ERCC6L2: variants seen among roughly 807,000 people sequenced by gnomAD.
ERCC6L2 encodes the protein ERCC excision repair 6 like 2, also known as DNA excision repair protein ERCC-6-like 2.
In ERCC6L2, 77 loss-of-function variants were observed where a neutral mutation model predicts 132.0. That is an observed-to-expected ratio of 0.58 (90% CI 0.49 to 0.71). ERCC6L2 has a LOEUF of 0.71. Ranked by LOEUF, ERCC6L2 falls within the 30% of genes least tolerant of loss-of-function variation. ERCC6L2 has a pLI of 0.00. For missense variants in ERCC6L2, 1,542 were observed against 1,837.6 expected (o/e 0.84, Z 2.94); for synonymous variants, 583 against 632.4 (o/e 0.92, Z 1.17).
At chr9:96,019,516 G>A (rs982509993), downstream of ERCC6L2, among the ~76,000 whole-genome samples, 2 of 151,970 alleles carry the variant, frequency 1.3e-5, no homozygotes, top group Admixed American at 6.6e-5. Flanking sequence ...CTCCTGAATC[G>A]ACAGCTCCCT....
At chr9:95,973,640 C>T (rs1004776345) in intron 16 of ERCC6L2, among the ~76,000 whole-genome samples, 3 of 152,024 alleles carry the variant, frequency 2.0e-5, no homozygotes, top group African/African-American at 7.2e-5. Flanking sequence ...TATTCGCTAT[C>T]ATGAGAACAG....
intron 19 of ERCC6L2, among the ~76,000 whole-genome samples, chr9:96,030,296 C>T (rs770915676): frequency 1.3e-5 from 2 of 152,018 alleles, no homozygotes; most frequent in African/African-American, 4.8e-5. Flanking sequence ...CTGGCCACCC[C>T]ACCCACCCAG....
chr9:96,003,975 A>G (rs1833776574), intron 17 of ERCC6L2, among the ~76,000 whole-genome samples: 1 of 152,208 alleles, frequency 6.6e-6, no homozygotes, highest in African/African-American at 2.4e-5. Context: ...AAGGAGTATG[A>G]TTCCATCTAT....
intron 3 of ERCC6L2, among the ~76,000 whole-genome samples, chr9:95,902,502 A>G (rs927110626): frequency 2.0e-5 from 3 of 152,150 alleles, no homozygotes; most frequent in Non-Finnish European, 2.9e-5. Context: ...ATATGTACCA[A>G]GAGGATTATG....
chr9:95,885,907 G>C (rs1230051599), intron 2 of ERCC6L2, among the ~76,000 whole-genome samples: 1 of 152,192 alleles, frequency 6.6e-6, no homozygotes, highest in Non-Finnish European at 1.5e-5. Flanking sequence ...CAGAGCCTTT[G>C]CTCAGACGGT....
chr9:95,883,944 G>A (rs547721919), intron 2 of ERCC6L2, among the ~76,000 whole-genome samples: 112 of 152,280 alleles, frequency 7.4e-4, no homozygotes, highest in Non-Finnish European at 1.2e-3. Flanking sequence ...AATACAATTC[G>A]AATTCAAATT....
At chr9:95,977,918 T>C (rs761658929) in intron 16 of ERCC6L2, 143 bp from the exon 17 acceptor site, 3 of 464,492 alleles carry the variant, frequency 6.5e-6, no homozygotes, top group Non-Finnish European at 9.6e-6. Context: ...ATATTTGAAC[T>C]CTTTCTCTTT....
At chr9:95,949,977 T>G (rs1831253533) in intron 12 of ERCC6L2, among the ~76,000 whole-genome samples, 1 of 144,242 alleles carries the variant, frequency 6.9e-6, no homozygotes, top group Non-Finnish European at 1.5e-5. Context: ...ATTGTGCCAC[T>G]ACACTCCAGC....
chr9:95,881,629 C>T (rs1357644790), intron 2 of ERCC6L2, among the ~76,000 whole-genome samples: 1 of 152,216 alleles, frequency 6.6e-6, no homozygotes, highest in Non-Finnish European at 1.5e-5. Flanking sequence ...AGCATTCTAA[C>T]ATTTGTTATG....
rs900739709 is a variant in ERCC6L2, at chr9:95,945,917, G to C, written c.1847+4368G>C. On this transcript the variant is annotated intron_variant, in intron 12 of 18. Transcript: ENST00000653738. The stretch of plus-strand genomic sequence containing the variant: ...TTTTTAGAAAGAAGGAGAAAAGTGG[G>C]GCTGGCAGAAAGGAAAAATTAGACT... Among the ~76,000 whole-genome samples the C allele has an allele frequency of 2.0e-5, 3 of 152,022 alleles. No individual in the cohort carries two copies. The South Asian group carries it at 6.2e-4, about 32-fold the overall frequency.
chr9:96,027,729 C>A (rs1834400617), intron 19 of ERCC6L2: 1 of 152,562 alleles, frequency 6.6e-6, no homozygotes, highest in African/African-American at 2.4e-5. Flanking sequence ...CCTCCAAGGC[C>A]CCCGGCCGCT....
At chr9:95,973,559 G>A (rs1268090787) in intron 16 of ERCC6L2, among the ~76,000 whole-genome samples, 2 of 152,012 alleles carry the variant, frequency 1.3e-5, no homozygotes, top group Non-Finnish European at 2.9e-5. Flanking sequence ...TTACATGGAT[G>A]GTGGCAGGAA....
intron 12 of ERCC6L2, among the ~76,000 whole-genome samples, chr9:95,948,791 G>GAA (rs55712485): frequency 1.9e-5 from 2 of 104,068 alleles, no homozygotes; most frequent in African/African-American, 8.4e-5. Context: ...CAAGACATTA[G>GAA]AAAAAAAAAA....
chr9:95,909,241 C>T (rs1043035011), intron 4 of ERCC6L2, among the ~76,000 whole-genome samples: 1 of 152,058 alleles, frequency 6.6e-6, no homozygotes, highest in East Asian at 1.9e-4. Context: ...CATATAGTCT[C>T]GGTTGCATAT....
chr9:95,956,304 A>G (rs186859943), intron 13 of ERCC6L2, among the ~76,000 whole-genome samples: 31 of 152,268 alleles, frequency 2.0e-4, no homozygotes, highest in Non-Finnish European at 3.4e-4. Context: ...GTTAGAGCCC[A>G]TGATGTGGAA....
intron 13 of ERCC6L2, among the ~76,000 whole-genome samples, chr9:95,963,921 T>C (rs1163175476): frequency 6.6e-6 from 1 of 152,156 alleles, no homozygotes; most frequent in Non-Finnish European, 1.5e-5. Context: ...CTACTACTGC[T>C]CACGTTAACC....
At chr9:95,995,520 C>T (rs966839746) in intron 17 of ERCC6L2, among the ~76,000 whole-genome samples, 1 of 152,164 alleles carries the variant, frequency 6.6e-6, no homozygotes, top group Non-Finnish European at 1.5e-5. Flanking sequence ...AAAGTACCTT[C>T]TTGGTTATTG....
chr9:96,007,614 A>C (rs1383188882), intron 18 of ERCC6L2, among the ~76,000 whole-genome samples: 2 of 152,224 alleles, frequency 1.3e-5, no homozygotes, highest in Admixed American at 1.3e-4. Context: ...TGTGAGATGC[A>C]AGAGCCTTGC....
chr9:95,944,870 G>A (rs1162190282), intron 12 of ERCC6L2, among the ~76,000 whole-genome samples: 1 of 152,000 alleles, frequency 6.6e-6, no homozygotes, highest in Middle Eastern at 3.2e-3. Flanking sequence ...ATAGGGTGTG[G>A]GTCACAGAGA....
Sources: gnomAD v4.1 joint callset for allele counts (sites outside exome capture counted in the v4.1 genomes callset) on GRCh38, gnomAD v4.1.1 for gene constraint, MANE v1.5 for transcripts, NCBI Gene and HGNC (gene_info 2026-07-23, HGNC 2026-07-21) for gene names.